The following TNRC6A variants were observed in gnomAD, a reference collection of about 807,000 sequenced individuals.
The protein encoded by TNRC6A is trinucleotide repeat containing adaptor 6A, also known as trinucleotide repeat-containing gene 6A protein.
In TNRC6A, 44 loss-of-function variants were observed where a neutral mutation model predicts 221.2. That is an observed-to-expected ratio of 0.20 (90% CI 0.16 to 0.26). The LOEUF (loss-of-function observed/expected upper bound fraction) is 0.26. TNRC6A is among the 10% of genes least tolerant of loss of function. The pLI, the probability that TNRC6A is intolerant of heterozygous loss-of-function variation, is 1.00. For missense variants in TNRC6A, 2,199 were observed against 2,404.4 expected (o/e 0.91, Z 1.79); for synonymous variants, 847 against 838.5 (o/e 1.01, Z -0.18).
upstream of TNRC6A, among the ~76,000 whole-genome samples, chr16:24,726,582 G>T (rs571644971): frequency 8.5e-5 from 13 of 152,244 alleles, no homozygotes; most frequent in Admixed American, 6.5e-4. Context: ...GGAGGGATGG[G>T]GATATCAGGT....
intron 2 of TNRC6A, among the ~76,000 whole-genome samples, chr16:24,677,891 T>A (rs970840913): frequency 2.6e-4 from 38 of 145,650 alleles, no homozygotes; most frequent in African/African-American, 9.2e-4. Flanking sequence ...TGCTGGATGA[T>A]CTTTGTTTTG....
chr16:24,701,512 G>A (rs1008450881), intron 2 of TNRC6A, among the ~76,000 whole-genome samples: 4 of 151,890 alleles, frequency 2.6e-5, no homozygotes, highest in Non-Finnish European at 5.9e-5. Context: ...GACTACAGGC[G>A]CATGCCACCA....
intron 2 of TNRC6A, among the ~76,000 whole-genome samples, chr16:24,646,104 C>T (rs915940785): frequency 7.9e-5 from 12 of 152,064 alleles, no homozygotes; most frequent in African/African-American, 2.9e-4. Context: ...GTTTTCATTT[C>T]AATGTAAATT....
chr16:24,731,007 T>C (rs2056626954), intron 2 of TNRC6A, among the ~76,000 whole-genome samples: 1 of 151,314 alleles, frequency 6.6e-6, no homozygotes, highest in African/African-American at 2.4e-5. Flanking sequence ...GATGTCTTTA[T>C]GGAATGGAAA....
At position 24,672,329 on chromosome 16, in the gene TNRC6A, C is replaced by T. The variant is rs373746891; in HGVS notation, n.402+31320C>T. Among the ~76,000 whole-genome samples, 12 of 152,230 alleles carry T rather than the reference C, an allele frequency of 7.9e-5. No individual in the cohort carries two copies. The East Asian group carries it at 2.3e-3, about 29-fold the overall frequency. The stretch of plus-strand genomic sequence containing the variant: ...ATTTTTAGTAGAGATGGGGTTTCAC[C>T]GTGTTAGCCAGGATGGTCTCAATTT... On this transcript the variant is annotated intron_variant and non_coding_transcript_variant, in intron 2 of 2. Coordinates refer to the TNRC6A transcript ENST00000566108.
In TNRC6A at chr16:24,825,872, C is replaced by T. The variant is rs1183293171; in HGVS notation, c.*2065C>T. 2 of 152,712 alleles carry T rather than the reference C, an allele frequency of 1.3e-5. No homozygotes were observed. Among genetic ancestry groups the T allele is most frequent in the African/African-American group, 4.8e-5 (2 of 41,466 alleles). The allele number at this position is 152,712 out of a possible 1,614,324, so 9.5% of individuals were successfully genotyped here. A position where few individuals can be genotyped will look rare whatever the true frequency, so the allele number is the denominator to read the frequency against. On this transcript the variant is annotated 3_prime_UTR_variant, in exon 25 of 25. Coordinates refer to ENST00000395799, the MANE Select transcript of TNRC6A (RefSeq NM_014494.4). ...CCTTTTCTTCCCCCTTCACGGCCCTCGCTTCTCCCTGCAGGAGCTCGGGGG... is the reference window on the plus strand; with the variant it reads ...CCTTTTCTTCCCCCTTCACGGCCCTTGCTTCTCCCTGCAGGAGCTCGGGGG...
intron 2 of TNRC6A, among the ~76,000 whole-genome samples, chr16:24,656,545 T>C (rs1567329734): frequency 6.6e-6 from 1 of 150,840 alleles, no homozygotes; most frequent in Admixed American, 6.6e-5. Flanking sequence ...ATATTTAAAA[T>C]GATAATATAT....
At position 24,750,870 on chromosome 16, in the gene TNRC6A, ATTACTC is replaced by A; in HGVS notation, c.141+62_141+67del. 5 of 1,331,058 alleles carry A rather than the reference ATTACTC, an allele frequency of 3.8e-6. No homozygotes were observed. The South Asian group carries it at 8.7e-5, about 23-fold the overall frequency. 82.5% of individuals were successfully genotyped at this position (1,331,058 alleles called of 1,614,324 possible). ...AGTTTAAACATAGAATTAAAAAAAA[ATTACTC>A]TTACAGATTTTGAAGGCATTTATTT... On this transcript the variant is annotated intron_variant, in intron 3 of 24. Transcript: ENST00000395799.
chr16:24,791,388 C>T lies in TNRC6A; in HGVS notation c.2746C>T (p.Pro916Ser). ...NSSGWDESSKPTPSQGWGDPP... is the reference protein window; with the variant it reads ...NSSGWDESSKSTPSQGWGDPP... The stretch of plus-strand genomic sequence containing the variant: ...ATCAGGATGGGATGAATCTTCTAAA[C>T]CTACTCCTTCCCAGGGATGGGGAGA... The change falls in exon 6 of 25, where the codon CCT (proline) becomes TCT (serine). Residue 916 changes from proline to serine, a missense_variant. By Grantham distance (74) the Pro-to-Ser change is moderately conservative (BLOSUM62 -1). This residue lies in a region of TNRC6A where 1,405 missense variants were observed against 1,400.2 expected (regional missense o/e 1.00). Coordinates refer to ENST00000395799, the MANE Select transcript of TNRC6A (RefSeq NM_014494.4). 2 of 1,575,254 alleles carry T rather than the reference C, an allele frequency of 1.3e-6. No homozygotes were observed. Among genetic ancestry groups the T allele is most frequent in the Non-Finnish European group, 8.6e-7 (1 of 1,161,666 alleles).
chr16:24,794,500 T>A, intron 7 of TNRC6A, 44 bp from the exon 8 acceptor site: 1 of 1,572,472 alleles, frequency 6.4e-7, no homozygotes, highest in Non-Finnish European at 8.6e-7. Flanking sequence ...AAGGAATTCT[T>A]TTATTAAAGT....
chr16:24,721,764 G>A (rs1056891369), intron 2 of TNRC6A, among the ~76,000 whole-genome samples: 1 of 152,130 alleles, frequency 6.6e-6, no homozygotes, highest in Non-Finnish European at 1.5e-5. Flanking sequence ...TAAAACAAAA[G>A]GATGAGTAAA....
At chr16:24,807,214 G>A (rs2058452802) in intron 17 of TNRC6A, among the ~76,000 whole-genome samples, 2 of 152,130 alleles carry the variant, frequency 1.3e-5, no homozygotes, top group Admixed American at 6.5e-5. Flanking sequence ...CATGTTGGCC[G>A]GGTGGGTCTG....
chr16:24,627,632 T>A (rs1901091258), intron 1 of TNRC6A, among the ~76,000 whole-genome samples: 1 of 151,964 alleles, frequency 6.6e-6, no homozygotes, highest in African/African-American at 2.4e-5. Flanking sequence ...CCCTGATGTG[T>A]TCTTATAGGA....
chr16:24,723,259 T>C (rs185780816), intron 2 of TNRC6A, among the ~76,000 whole-genome samples: 439 of 152,174 alleles, frequency 2.9e-3, no homozygotes, highest in African/African-American at 0.01. Context: ...TTGGGGGAAA[T>C]GACTGCAGTG....
chr16:24,780,608 A>G (rs772542033), intron 5 of TNRC6A, among the ~76,000 whole-genome samples: 10 of 152,180 alleles, frequency 6.6e-5, no homozygotes, highest in Non-Finnish European at 1.0e-4. Flanking sequence ...AAAGATTTAC[A>G]TGAGTGATTA....
At chr16:24,631,185 G>A (rs1024311965) in intron 1 of TNRC6A, among the ~76,000 whole-genome samples, 2 of 152,056 alleles carry the variant, frequency 1.3e-5, no homozygotes, top group Non-Finnish European at 2.9e-5. Context: ...CAGCTTGCTT[G>A]GCTGATAGCA....
chr16:24,821,177 A>G (rs1461989910), intron 22 of TNRC6A, among the ~76,000 whole-genome samples: 2 of 152,178 alleles, frequency 1.3e-5, no homozygotes, highest in Admixed American at 1.3e-4. Flanking sequence ...AAGTTAACAT[A>G]ATTGGTGTGG....
At chr16:24,815,718 G>C (rs2058642936) in intron 19 of TNRC6A, 1 of 193,236 alleles carries the variant, frequency 5.2e-6, no homozygotes, top group African/African-American at 2.3e-5. Context: ...AGCCAGGCGT[G>C]GTGGCGGGCG....
chr16:24,748,529 G>A (rs1336333209), intron 2 of TNRC6A, among the ~76,000 whole-genome samples: 1 of 152,054 alleles, frequency 6.6e-6, no homozygotes, highest in Non-Finnish European at 1.5e-5. Flanking sequence ...CAAAATGACA[G>A]CGAAGTATAG....
Sources: allele counts gnomAD v4.1 joint callset (sites outside exome capture counted in the v4.1 genomes callset), GRCh38; gene constraint gnomAD v4.1.1; regional missense constraint gnomAD v4.1.1; transcripts MANE v1.5; gene names NCBI Gene and HGNC (gene_info 2026-07-23, HGNC 2026-07-21).